Variants in SEZ6L observed in about 807,000 individuals in gnomAD.
SEZ6L encodes seizure 6-like protein.
In SEZ6L, 37 loss-of-function variants were observed where a neutral mutation model predicts 106.2. The observed-to-expected ratio is 0.35, with a 90% CI of 0.27 to 0.46. The LOEUF is 0.46. SEZ6L is among the 20% of genes least tolerant of loss of function. The pLI, the probability that SEZ6L is intolerant of heterozygous loss-of-function variation, is 1.00. For missense variants in SEZ6L, 1,172 were observed against 1,332.8 expected, an observed-to-expected ratio of 0.88 and a Z score of 1.88; for synonymous variants, 541 against 570.4, an observed-to-expected ratio of 0.95 and a Z score of 0.73.
chr22:26,201,005 C>G (rs2145678093), intron 1 of SEZ6L, among the ~76,000 whole-genome samples: 1 of 152,258 alleles, frequency 6.6e-6, no homozygotes, highest in Middle Eastern at 3.4e-3. Flanking sequence ...TCCGGTTCCC[C>G]CAACAGGGCT....
chr22:26,298,784 A>T (rs145659387), intron 4 of SEZ6L, among the ~76,000 whole-genome samples, 200 bp from the exon 5 acceptor site: 5 of 152,212 alleles, frequency 3.3e-5, no homozygotes, highest in African/African-American at 1.2e-4. Flanking sequence ...GGCGATTTTT[A>T]AGTCCCAAGA....
rs745900600 is a variant in SEZ6L at position 26,347,928 on chromosome 22, G to T, written c.2407+15G>T. The T allele has an allele frequency of 7.1e-6, 11 of 1,547,002 alleles. No individual in the cohort carries two copies. The highest frequency in any genetic ancestry group is 1.4e-5 in the African/African-American group (1 of 71,012). ...TTGTGAGAAAAGTAAGAGTGGTCTT[G>T]TTTCCTTCCTCTAGGTCCCTGGGTG... On this transcript the variant is annotated intron_variant, in intron 11 of 16. Transcript: ENST00000248933.
Position 26,377,562 on chromosome 22 carries a change from C to T in SEZ6L, c.2943-111C>T. ...GGCTGTTTGCACACATCCTCGTCGT[C>T]ATTCACAGAGGTGCCGCTGCTCAGG... On this transcript the variant is annotated intron_variant, in intron 15 of 16. Coordinates refer to ENST00000248933, the MANE Select transcript of SEZ6L (RefSeq NM_021115.5). The T allele has an allele frequency of 3.6e-6, 3 of 831,394 alleles. No individual in the cohort carries two copies. The South Asian group carries it at 4.4e-5, about 12-fold the overall frequency. 51.5% of individuals were successfully genotyped at this position (831,394 alleles called of 1,614,324 possible).
chr22:26,281,501 A>C (rs766274173), intron 1 of SEZ6L, among the ~76,000 whole-genome samples: 19 of 150,734 alleles, frequency 1.3e-4, no homozygotes, highest in Non-Finnish European at 2.4e-4. Flanking sequence ...CAACCTCCCG[A>C]GTAGCTGGGA....
chr22:26,179,191 C>A lies in SEZ6L; in HGVS notation c.94+9428C>A, dbSNP rs146695493. On this transcript the variant is annotated intron_variant, in intron 1 of 16. Transcript: ENST00000248933. ...ATCACTTGAGGCCAGGAGCTCTAGACCAGCCTGGGCAACATGGCAAAACCC... is the reference window on the plus strand; with the variant it reads ...ATCACTTGAGGCCAGGAGCTCTAGAACAGCCTGGGCAACATGGCAAAACCC... Among the ~76,000 whole-genome samples, 652 of 152,188 alleles carry A rather than the reference C, an allele frequency of 4.3e-3. 11 individuals carry two copies. Among genetic ancestry groups the A allele is most frequent in the Admixed American group, 0.033 (509 of 15,288 alleles).
intron 1 of SEZ6L, among the ~76,000 whole-genome samples, chr22:26,217,754 ATGT>A (rs2078340798): frequency 6.6e-6 from 1 of 152,168 alleles, no homozygotes; most frequent in African/African-American, 2.4e-5. Context: ...CAAATACAAC[ATGT>A]TGTGTGGGAC....
At chr22:26,252,732 T>G (rs914129087) in intron 1 of SEZ6L, among the ~76,000 whole-genome samples, 3 of 152,264 alleles carry the variant, frequency 2.0e-5, no homozygotes, top group Non-Finnish European at 4.4e-5. Context: ...GCATCCATGT[T>G]CCTGCTAGGG....
At chr22:26,323,347 G>A (rs916607589) in intron 9 of SEZ6L, among the ~76,000 whole-genome samples, 7 of 152,204 alleles carry the variant, frequency 4.6e-5, no homozygotes, top group African/African-American at 1.7e-4. Flanking sequence ...GAAAGAGACG[G>A]TAAGGCTGGG....
At chr22:26,337,165 A>G (rs2082671763) in intron 9 of SEZ6L, among the ~76,000 whole-genome samples, 3 of 152,218 alleles carry the variant, frequency 2.0e-5, no homozygotes, top group Admixed American at 6.5e-5. Context: ...GAAAAATCAC[A>G]TGCCTTCCAT....
intron 9 of SEZ6L, among the ~76,000 whole-genome samples, chr22:26,334,958 T>C (rs552637599): frequency 9.2e-5 from 14 of 152,310 alleles, no homozygotes; most frequent in African/African-American, 3.4e-4. Flanking sequence ...CATCCCGTTT[T>C]CCTAGCGCCT....
intron 1 of SEZ6L, among the ~76,000 whole-genome samples, chr22:26,188,755 A>G (rs1199405435): frequency 6.6e-6 from 1 of 152,216 alleles, no homozygotes; most frequent in Non-Finnish European, 1.5e-5. Context: ...CAGAAAAGCC[A>G]TAGCTCTAAG....
chr22:26,292,169 AAGGAAAGAAGGAAGGAGGG>A, intron 1 of SEZ6L: 1 of 436,564 alleles, frequency 2.3e-6, no homozygotes, highest in Non-Finnish European at 4.0e-6. Flanking sequence ...AGGAAGGAGG[AAGGAAAGAAGGAAGGAGGG>A]AGGGTGGGAG....
intron 10 of SEZ6L, among the ~76,000 whole-genome samples, chr22:26,343,981 C>A (rs917663810): frequency 1.3e-5 from 2 of 152,172 alleles, no homozygotes; most frequent in Non-Finnish European, 2.9e-5. Flanking sequence ...TGATGCCTGC[C>A]ATGGGCATGA....
chr22:26,352,951 A>G (rs973890193), intron 12 of SEZ6L, among the ~76,000 whole-genome samples: 4 of 152,246 alleles, frequency 2.6e-5, no homozygotes, highest in African/African-American at 9.6e-5. Flanking sequence ...AGATCCCAAA[A>G]GAATGAAGAG....
At chr22:26,307,908 G>T (rs2081685080) in intron 6 of SEZ6L, among the ~76,000 whole-genome samples, 1 of 152,128 alleles carries the variant, frequency 6.6e-6, no homozygotes, top group African/African-American at 2.4e-5. Context: ...GCCCCCCACT[G>T]GCACTGGTCA....
At chr22:26,264,794 C>G (rs5752300) in intron 1 of SEZ6L, among the ~76,000 whole-genome samples, 1 of 152,038 alleles carries the variant, frequency 6.6e-6, no homozygotes, top group Non-Finnish European at 1.5e-5. Context: ...TTTGCCAATG[C>G]CTGCTTTAAA....
At chr22:26,211,794 A>T (rs2078164632) in intron 1 of SEZ6L, among the ~76,000 whole-genome samples, 1 of 118,832 alleles carries the variant, frequency 8.4e-6, no homozygotes, top group Non-Finnish European at 1.6e-5. Flanking sequence ...ACATAGCCAG[A>T]CCTCGTCTCT....
intron 1 of SEZ6L, among the ~76,000 whole-genome samples, chr22:26,234,819 A>T (rs75109338): frequency 0.039 from 5,948 of 152,336 alleles, 166 homozygotes; most frequent in Middle Eastern, 0.088. Context: ...TAATTACAGG[A>T]AAGTGTGATG....
At chr22:26,170,353 G>T (rs1009956892) in intron 1 of SEZ6L, among the ~76,000 whole-genome samples, 5 of 152,128 alleles carry the variant, frequency 3.3e-5, no homozygotes, top group African/African-American at 1.2e-4. Flanking sequence ...GGCCGGTGGA[G>T]GGGGCTGAGG....
Sources: allele counts gnomAD v4.1 joint callset (sites outside exome capture counted in the v4.1 genomes callset), GRCh38; gene constraint gnomAD v4.1.1; transcripts MANE v1.5; gene names NCBI Gene and HGNC (gene_info 2026-07-23, HGNC 2026-07-21).